The following TBC1D22A variants were observed in gnomAD, a reference collection of about 807,000 sequenced individuals.
TBC1D22A encodes TBC1 domain family member 22A.
A neutral mutation model predicts 60.2 loss-of-function variants in TBC1D22A; 38 were observed. The ratio of observed to expected loss-of-function variants is 0.63; its 90% CI spans 0.49 to 0.83. The LOEUF (loss-of-function observed/expected upper bound fraction) is 0.83. Among genes scored for constraint, TBC1D22A ranks in the 40% least tolerant of loss-of-function variants. The pLI, the probability that TBC1D22A is intolerant of heterozygous loss-of-function variation, is 0.00. For missense variants in TBC1D22A, 628 were observed against 701.0 expected (o/e 0.90, Z 1.18); for synonymous variants, 302 against 281.7 (o/e 1.07, Z -0.72).
At chr22:46,977,563 C>T (rs767459284) in intron 9 of TBC1D22A, among the ~76,000 whole-genome samples, 20 of 150,894 alleles carry the variant, frequency 1.3e-4, no homozygotes, top group Non-Finnish European at 2.5e-4. Context: ...ACTTTTCTCC[C>T]GACAAATCCC....
chr22:46,890,346 T>C (rs1385796577), intron 5 of TBC1D22A, among the ~76,000 whole-genome samples: 2 of 151,682 alleles, frequency 1.3e-5, no homozygotes, highest in Admixed American at 1.3e-4. Flanking sequence ...TCAAAATAAA[T>C]GAATAAATAA....
At chr22:47,021,817 C>T (rs909402550) in intron 10 of TBC1D22A, among the ~76,000 whole-genome samples, 8 of 152,246 alleles carry the variant, frequency 5.3e-5, no homozygotes, top group Non-Finnish European at 7.3e-5. Context: ...GTCTCCCTCC[C>T]GCCCCAGTGC....
chr22:46,893,786 C>T lies in TBC1D22A; in HGVS notation c.838-998C>T, dbSNP rs148545867. Among the ~76,000 whole-genome samples, 684 of 152,352 alleles carry T rather than the reference C, an allele frequency of 4.5e-3. 1 individual carries two copies. The highest frequency in any genetic ancestry group is 7.3e-3 in the South Asian group (35 of 4,826). On this transcript the variant is annotated intron_variant, in intron 6 of 12. Transcript: ENST00000337137. Reference sequence around the variant, plus strand: ...GCCTCCTCCTCTTCCTCCTCCTCCTCGGCAGCACTGCTGCTGGCGGGCCTC... The same window carrying T: ...GCCTCCTCCTCTTCCTCCTCCTCCTTGGCAGCACTGCTGCTGGCGGGCCTC...
At chr22:46,863,037 G>T (rs1402698945) in intron 4 of TBC1D22A, among the ~76,000 whole-genome samples, 2 of 152,218 alleles carry the variant, frequency 1.3e-5, no homozygotes, top group Non-Finnish European at 2.9e-5. Context: ...CAGGGTAAGC[G>T]TGGCATGGCT....
At chr22:47,169,321 G>C (rs976794051) in intron 12 of TBC1D22A, among the ~76,000 whole-genome samples, 1 of 152,302 alleles carries the variant, frequency 6.6e-6, no homozygotes. Flanking sequence ...TGTGATTCAT[G>C]ATGTGTCCGA....
chr22:47,054,754 C>A (rs2063334192), intron 11 of TBC1D22A, among the ~76,000 whole-genome samples: 1 of 152,154 alleles, frequency 6.6e-6, no homozygotes. Context: ...TGTTCCTGGG[C>A]AGGTCGGGCT....
chr22:46,984,281 T>G (rs112710777), intron 9 of TBC1D22A, among the ~76,000 whole-genome samples: 6,492 of 144,302 alleles, frequency 0.045, 239 homozygotes, highest in African/African-American at 0.094. Context: ...GCAGGAGAAT[T>G]GCTTGAACCT....
At chr22:46,812,815 G>A (rs756629311) in intron 4 of TBC1D22A, among the ~76,000 whole-genome samples, 26 of 152,150 alleles carry the variant, frequency 1.7e-4, no homozygotes, top group Admixed American at 2.0e-4. Flanking sequence ...CCTAATCCTC[G>A]TAAGCTTAAA....
intron 4 of TBC1D22A, among the ~76,000 whole-genome samples, chr22:46,799,233 G>C (rs2084793688): frequency 6.6e-6 from 1 of 152,154 alleles, no homozygotes; most frequent in Admixed American, 6.5e-5. Context: ...TTGCAGAACA[G>C]TTGGCATGAA....
intron 7 of TBC1D22A, among the ~76,000 whole-genome samples, chr22:46,908,718 A>G (rs1361023175): frequency 6.6e-6 from 1 of 152,018 alleles, no homozygotes; most frequent in Non-Finnish European, 1.5e-5. Context: ...GGATGAGGGG[A>G]AGAAGGTAAT....
At chr22:47,113,121 T>A (rs2065909389) in intron 12 of TBC1D22A, among the ~76,000 whole-genome samples, 1 of 152,156 alleles carries the variant, frequency 6.6e-6, no homozygotes, top group African/African-American at 2.4e-5. Context: ...CACTTACCTG[T>A]AGGGAGAAGG....
Position 46,891,367 on chromosome 22 carries a change from C to A in TBC1D22A, c.810C>A (p.Asp270Glu). The change falls in exon 6 of 13, where the codon GAC becomes GAA. Residue 270 changes from aspartate (D) to glutamate (E), a missense_variant. By Grantham distance (45) the Asp-to-Glu change is conservative. Coordinates refer to ENST00000337137, the MANE Select transcript of TBC1D22A (RefSeq NM_014346.5). ...FIEHYYDSRN[D>E]EVHQDTYRQI... ...AGCACTATTACGATTCTAGGAACGA[C>A]GAAGTTCACCAGGACACATACAGGC... 6.2e-7 allele frequency: 1 copy of A among 1,612,340 alleles called. No individual in the cohort carries two copies. Among genetic ancestry groups the A allele is most frequent in the Non-Finnish European group, 8.5e-7 (1 of 1,179,466 alleles).
At chr22:47,062,086 T>TAAAAAAAAAAAAAAA (rs2063597352) in intron 11 of TBC1D22A, among the ~76,000 whole-genome samples, 1 of 22,986 alleles carries the variant, frequency 4.4e-5, no homozygotes, top group African/African-American at 2.6e-4. Flanking sequence ...AGACTCCATC[T>TAAAAAAAAAAAAAAA]CAAAAAAAAA....
At chr22:46,942,695 TC>T (rs2072247722) in intron 8 of TBC1D22A, among the ~76,000 whole-genome samples, 1 of 152,168 alleles carries the variant, frequency 6.6e-6, no homozygotes, top group Admixed American at 6.5e-5. Flanking sequence ...AAGTGCCTCT[TC>T]CTGTAGCAGT....
At chr22:47,001,299 CTTTTT>C (rs11331060) in intron 10 of TBC1D22A, among the ~76,000 whole-genome samples, 15 of 133,900 alleles carry the variant, frequency 1.1e-4, no homozygotes, top group Admixed American at 2.3e-4. Flanking sequence ...TTCTTTCTTT[CTTTTT>C]TTTTTTTTTT....
chr22:46,774,208 T>C, intron 1 of TBC1D22A: 2 of 985,538 alleles, frequency 2.0e-6, no homozygotes, highest in Non-Finnish European at 2.4e-6. Context: ...CTTGCTGTGC[T>C]CGGCAGCAGA....
At chr22:47,037,050 G>T (rs2062679908) in intron 10 of TBC1D22A, 21 bp from the exon 11 acceptor site, 1 of 1,612,748 alleles carries the variant, frequency 6.2e-7, no homozygotes, top group East Asian at 2.2e-5. Context: ...CAGCCTTGGG[G>T]CCTGTGTTTG....
At chr22:47,102,209 C>G (rs148924098) in intron 11 of TBC1D22A, among the ~76,000 whole-genome samples, 1 of 152,184 alleles carries the variant, frequency 6.6e-6, no homozygotes, top group African/African-American at 2.4e-5. Context: ...GCCTGGAGAA[C>G]GGGGAGATCT....
intron 11 of TBC1D22A, among the ~76,000 whole-genome samples, chr22:47,105,253 G>A (rs2065591114): frequency 6.6e-6 from 1 of 151,958 alleles, no homozygotes; most frequent in Admixed American, 6.6e-5. Flanking sequence ...AAAAATAATA[G>A]GGCAGAGCCT....
Sources: gnomAD v4.1 joint callset for allele counts (sites outside exome capture counted in the v4.1 genomes callset) on GRCh38, gnomAD v4.1.1 for gene constraint, MANE v1.5 for transcripts, NCBI Gene and HGNC (gene_info 2026-07-23, HGNC 2026-07-21) for gene names.